The following TBC1D17 variants were observed in gnomAD, a reference collection of about 807,000 sequenced individuals.
TBC1D17 encodes TBC1 domain family member 17.
Under a neutral mutation model 78.8 loss-of-function variants are expected in TBC1D17, and 69 were observed. The observed-to-expected ratio is 0.88, with a 90% CI of 0.72 to 1.07. The LOEUF (loss-of-function observed/expected upper bound fraction) is 1.07, where lower values mean the gene tolerates loss of function less well. Among genes scored for constraint, TBC1D17 ranks in the 50% least tolerant of loss-of-function variants. The probability of loss-of-function intolerance (pLI) is 0.00; values close to 1 mark genes in which losing one functional copy is unlikely to be tolerated. For missense variants in TBC1D17, 957 were observed against 861.0 expected (o/e 1.11, Z -1.39); for synonymous variants, 456 against 358.3 (o/e 1.27, Z -3.08).
Position 49,882,224 on chromosome 19 carries a change from C to T in TBC1D17, c.640-18C>T. The T allele has an allele frequency of 1.9e-6, 3 of 1,612,654 alleles. No individual in the cohort carries two copies. The highest frequency in any genetic ancestry group is 2.5e-6 in the Non-Finnish European group (3 of 1,179,886). ...CGAGAAGGGGCGGGCCGTGACCTCC[C>T]TTTGGCCTCGTCCCCAGCGCTTCCT... On this transcript the variant is annotated intron_variant, in intron 6 of 16. Coordinates refer to ENST00000221543, the MANE Select transcript of TBC1D17 (RefSeq NM_024682.3).
In TBC1D17 at chr19:49,882,965, A is replaced by G. The variant is rs1292989268; in HGVS notation, c.928-8A>G. On this transcript the variant is annotated splice_region_variant and splice_polypyrimidine_tract_variant and intron_variant, in intron 8 of 16. Coordinates refer to ENST00000221543, the MANE Select transcript of TBC1D17 (RefSeq NM_024682.3). ...CCCACTGAGCTGCCTGCCCTCCTGCACCCCCAGGGTCTGAGCCCCAGCCTG... is the reference window on the plus strand; with the variant it reads ...CCCACTGAGCTGCCTGCCCTCCTGCGCCCCCAGGGTCTGAGCCCCAGCCTG... The G allele has an allele frequency of 6.2e-7, 1 of 1,602,466 alleles. No homozygotes were observed. Among genetic ancestry groups the G allele is most frequent in the Non-Finnish European group, 8.5e-7 (1 of 1,173,870 alleles).
rs769432735 is a variant in TBC1D17, at chr19:49,878,583, C to T, written c.195+11C>T. The T allele has an allele frequency of 6.2e-7, 1 of 1,613,656 alleles. No individual in the cohort carries two copies. The highest frequency in any genetic ancestry group is 8.5e-7 in the Non-Finnish European group (1 of 1,179,606). Reference sequence around the variant, plus strand: ...CTCTTCTCCAAGAAGGTAGGCTCCACCCGCTTTGCCCTTCTCCACTCGCTT... The same window carrying T: ...CTCTTCTCCAAGAAGGTAGGCTCCATCCGCTTTGCCCTTCTCCACTCGCTT... On this transcript the variant is annotated intron_variant, in intron 3 of 16. Coordinates refer to ENST00000221543, the MANE Select transcript of TBC1D17 (RefSeq NM_024682.3).
chr19:49,883,827 A>T lies in TBC1D17; in HGVS notation c.1126+82A>T, dbSNP rs2075036573. 73 of 1,240,430 alleles carry T rather than the reference A, an allele frequency of 5.9e-5. 1 individual carries two copies. In the South Asian group the frequency reaches 8.8e-4, roughly 15 times the overall value. The allele number at this position is 1,240,430 out of a possible 1,614,324, so 76.8% of individuals were successfully genotyped here. ...TCAGGCATAAGTGCGAGTGGGAGAT[A>T]GAGGGAGCCCCCTGCCTCCCCAAGA... On this transcript the variant is annotated intron_variant, in intron 10 of 16. Transcript: ENST00000221543.
intron 13 of TBC1D17, among the ~76,000 whole-genome samples, chr19:49,886,051 A>T (rs1164755410): frequency 1.3e-5 from 2 of 150,998 alleles, no homozygotes; most frequent in Admixed American, 6.6e-5. Flanking sequence ...AGGCCAAGAT[A>T]GGCAGATCAC....
In TBC1D17 at chr19:49,881,281, C is replaced by T; in HGVS notation, c.333C>T (p.Ser111=). 2 of 1,612,848 alleles carry T rather than the reference C, an allele frequency of 1.2e-6. No individual in the cohort carries two copies. The highest frequency in any genetic ancestry group is 2.2e-5 in the East Asian group (1 of 44,878). The change falls in exon 5 of 17, where the codon AGC becomes AGT. Residue 111 remains serine, a synonymous_variant. Transcript: ENST00000221543. ...HSEPTRGAEP[S]CPQGSWAFSV... The stretch of plus-strand genomic sequence containing the variant: ...CCGTCTCCCTAGGTGCAGAGCCCAG[C>T]TGCCCCCAGGGCTCCTGGGCCTTCT...
In TBC1D17 at chr19:49,884,303, G is replaced by A. The variant is rs375486914; in HGVS notation, c.1177G>A (p.Glu393Lys). ...GACCAACAAGTTCTACGAGGGTCCC[G>A]AGAACCCGGGGCTGGGCCTGCTGAA... ...DRTNKFYEGP[E>K]NPGLGLLNDI... The change falls in exon 11 of 17, where the codon GAG becomes AAG. Residue 393 changes from glutamate (E) to lysine (K), a missense_variant. Coordinates refer to ENST00000221543, the MANE Select transcript of TBC1D17 (RefSeq NM_024682.3). 52 of 1,613,902 alleles carry A rather than the reference G, an allele frequency of 3.2e-5. No homozygotes were observed. Among genetic ancestry groups the A allele is most frequent in the Middle Eastern group, 3.3e-4 (2 of 6,084 alleles).
intron 15 of TBC1D17, 151 bp from the exon 16 acceptor site, chr19:49,888,080 G>T: frequency 7.8e-7 from 1 of 1,277,416 alleles, no homozygotes; most frequent in Non-Finnish European, 1.1e-6. Flanking sequence ...GCTCCCGGAG[G>T]CCTGAGAAGC....
rs1167719721 is a variant in TBC1D17, at chr19:49,882,228, G to A, written c.640-14G>A. 1.2e-6 allele frequency: 2 copies of A among 1,612,356 alleles called. No homozygotes were observed. ...AAGGGGCGGGCCGTGACCTCCCTTT[G>A]GCCTCGTCCCCAGCGCTTCCTCCAG... On this transcript the variant is annotated splice_polypyrimidine_tract_variant and intron_variant, in intron 6 of 16. Transcript: ENST00000221543.
chr19:49,881,794 C>T (rs905978773), intron 5 of TBC1D17, among the ~76,000 whole-genome samples: 1 of 152,202 alleles, frequency 6.6e-6, no homozygotes, highest in Non-Finnish European at 1.5e-5. Flanking sequence ...AGCTGCTTCT[C>T]ATTGGCTCGT....
chr19:49,888,120 C>T (rs1236022291), intron 15 of TBC1D17, 111 bp from the exon 16 acceptor site: 5 of 1,518,668 alleles, frequency 3.3e-6, no homozygotes, highest in African/African-American at 2.8e-5. Context: ...TCTGAGCCCC[C>T]AGAGGGCCAG....
intron 13 of TBC1D17, among the ~76,000 whole-genome samples, chr19:49,885,829 C>T (rs570470522): frequency 6.6e-6 from 1 of 151,930 alleles, no homozygotes; most frequent in Admixed American, 6.6e-5. Flanking sequence ...AAAAAATTAG[C>T]CAGCCGTGGT....
At position 49,884,565 on chromosome 19, in the gene TBC1D17, G is replaced by A; in HGVS notation, c.1344+6G>A. 6.2e-7 allele frequency: 1 copy of A among 1,614,162 alleles called. No homozygotes were observed. The highest frequency in any genetic ancestry group is 8.5e-7 in the Non-Finnish European group (1 of 1,180,012). On this transcript the variant is annotated splice_donor_region_variant and intron_variant, in intron 12 of 16. Coordinates refer to ENST00000221543, the MANE Select transcript of TBC1D17 (RefSeq NM_024682.3). ...GTGGCTTCATGGAGCTCGTGGTGAG[G>A]CTTGGGTCAGGGGTGGGACACAGGC...
At chr19:49,885,545 G>T (rs1373458245) in intron 13 of TBC1D17, 1 of 151,756 alleles carries the variant, frequency 6.6e-6, no homozygotes, top group Non-Finnish European at 1.5e-5. Flanking sequence ...GGCTGGGTGT[G>T]GTGGTTCATG....
chr19:49,883,163 G>A (rs913899561), intron 9 of TBC1D17, 87 bp downstream of exon 9: 83 of 1,241,336 alleles, frequency 6.7e-5, no homozygotes, highest in Non-Finnish European at 8.7e-5. Context: ...GACGCTGGTT[G>A]TGAACCTGCT....
intron 13 of TBC1D17, chr19:49,885,068 A>C: frequency 8.6e-6 from 3 of 350,236 alleles, no homozygotes; most frequent in East Asian, 6.0e-5. Flanking sequence ...TCTTATCCCC[A>C]CCTGGCTGTG....
intron 10 of TBC1D17, 23 bp downstream of exon 10, chr19:49,883,768 A>C: frequency 6.2e-7 from 1 of 1,605,210 alleles, no homozygotes; most frequent in Non-Finnish European, 8.5e-7. Flanking sequence ...GGTGGCACTT[A>C]GGGTGGATGG....
intron 1 of TBC1D17, 49 bp downstream of exon 1, chr19:49,877,793 C>A: frequency 1.9e-6 from 3 of 1,557,062 alleles, no homozygotes; most frequent in East Asian, 2.3e-5. Flanking sequence ...CGAAACGCCC[C>A]GTCTAGTGAT....
In TBC1D17 at chr19:49,881,352, G is replaced by A; in HGVS notation, c.404G>A (p.Gly135Asp). ...AAGTCCATCCGCCGCTCCAAGCCAG[G>A]CCTCAGCTGGGCCTACCTGGTTCTG... ...ELKSIRRSKPGLSWAYLVLVT... is the reference protein window; with the variant it reads ...ELKSIRRSKPDLSWAYLVLVT... The change falls in exon 5 of 17, where the codon GGC becomes GAC. Residue 135 changes from glycine (G) to aspartate (D), a missense_variant. Physicochemically the swap from Gly to Asp is moderately conservative, Grantham distance 94. Coordinates refer to ENST00000221543, the MANE Select transcript of TBC1D17 (RefSeq NM_024682.3). The A allele has an allele frequency of 6.2e-7, 1 of 1,613,366 alleles. No homozygotes were observed. Among genetic ancestry groups the A allele is most frequent in the Non-Finnish European group, 8.5e-7 (1 of 1,180,014 alleles).
intron 5 of TBC1D17, among the ~76,000 whole-genome samples, 160 bp downstream of exon 5, chr19:49,881,635 A>G (rs1190558411): frequency 6.6e-6 from 1 of 152,218 alleles, no homozygotes; most frequent in Non-Finnish European, 1.5e-5. Flanking sequence ...AGGAGTATTG[A>G]TTTCAGGCAG....
Sources: gnomAD v4.1 joint callset for allele counts (sites outside exome capture counted in the v4.1 genomes callset) on GRCh38, gnomAD v4.1.1 for gene constraint, MANE v1.5 for transcripts, NCBI Gene and HGNC (gene_info 2026-07-23, HGNC 2026-07-21) for gene names.